AADACL4: variants seen among roughly 807,000 people sequenced by gnomAD.
The protein encoded by AADACL4 is arylacetamide deacetylase-like 4.
In AADACL4, 9 loss-of-function variants were observed where a neutral mutation model predicts 14.1. The observed-to-expected ratio is 0.64, with a 90% CI of 0.39 to 1.12. AADACL4 has a LOEUF of 1.12. Among genes scored for constraint, AADACL4 ranks in the 50% most tolerant of loss-of-function variants. The probability of loss-of-function intolerance (pLI) is 0.01; values close to 1 mark genes in which losing one functional copy is unlikely to be tolerated. For missense variants in AADACL4, 531 were observed against 516.1 expected, an observed-to-expected ratio of 1.03 and a Z score of -0.28; for synonymous variants, 188 against 201.6, an observed-to-expected ratio of 0.93 and a Z score of 0.57.
Position 12,666,298 on chromosome 1 carries a change from T to C in AADACL4, c.787T>C (p.Trp263Arg), listed in dbSNP as rs752059732. The C allele has an allele frequency of 6.2e-7, 1 of 1,614,106 alleles. No individual in the cohort carries two copies. Among genetic ancestry groups the C allele is most frequent in the Admixed American group, 1.7e-5 (1 of 60,010 alleles). ...TAACTATCTGGCCATTGACCTCTCC[T>C]GGCGTGACGCCATCTTGAACGGCAC... ...LCNYLAIDLS[W>R]RDAILNGTCV... Residue 263 changes from tryptophan to arginine, a missense_variant, in exon 4 of 4, where the codon TGG becomes CGG. Trp to Arg is a moderately radical substitution (Grantham distance 101). Transcript: ENST00000376221.
Position 12,644,411 on chromosome 1 carries a change from G to A in AADACL4, c.-136G>A. On this transcript the variant is annotated 5_prime_UTR_variant, in exon 1 of 4. Coordinates refer to ENST00000376221, the MANE Select transcript of AADACL4 (RefSeq NM_001013630.2). ...TGCTTACCCTGAGAAGCTGTGTCAG[G>A]CCACTGTGTCAGGTGTCAGGCTTAG... is the stretch of plus-strand genomic sequence containing the variant. 1.0e-6 allele frequency: 1 copy of A among 970,572 alleles called. No individual in the cohort carries two copies. The highest frequency in any genetic ancestry group is 1.5e-6 in the Non-Finnish European group (1 of 664,086). 60.1% of individuals were successfully genotyped at this position (970,572 alleles called of 1,614,324 possible). A position where few individuals can be genotyped will look rare whatever the true frequency, so the allele number is the denominator to read the frequency against.
chr1:12,649,876 T>C (rs1025140740), intron 1 of AADACL4, among the ~76,000 whole-genome samples: 2 of 152,230 alleles, frequency 1.3e-5, no homozygotes, highest in Non-Finnish European at 2.9e-5. Context: ...TAGGCTTGGC[T>C]CTGAAACCCA....
chr1:12,658,293 C>G (rs145455797), intron 2 of AADACL4, among the ~76,000 whole-genome samples: 27 of 151,054 alleles, frequency 1.8e-4, no homozygotes, highest in African/African-American at 6.6e-4. Flanking sequence ...GAGTCTTACT[C>G]TGTCACCCAG....
rs146043744 is a variant in AADACL4, at chr1:12,666,546, G to A, written c.1035G>A (p.Glu345=). 2.0e-5 allele frequency: 32 copies of A among 1,614,118 alleles called. No homozygotes were observed. In the African/African-American group the frequency reaches 4.0e-4, roughly 20 times the overall value. Reference sequence around the variant, plus strand: ...CTGAGGCCTTCCTGGTGAGCTGTGAGAATGACATACTCCGTGATGACAGCT... The same window carrying A: ...CTGAGGCCTTCCTGGTGAGCTGTGAAAATGACATACTCCGTGATGACAGCT... The part of the protein sequence containing the change: ...QLPEAFLVSC[E]NDILRDDSLL... The change falls in exon 4 of 4, where the codon GAG becomes GAA. Residue 345 remains glutamate, a synonymous_variant. Transcript: ENST00000376221.
intron 2 of AADACL4, among the ~76,000 whole-genome samples, chr1:12,658,105 T>C (rs1204049089): frequency 1.0e-5 from 1 of 97,410 alleles, no homozygotes; most frequent in Admixed American, 1.1e-4. Flanking sequence ...CTTTCTCTCT[T>C]TCTTTCCTTC....
In AADACL4 at chr1:12,651,231, C is replaced by A. The variant is rs764770045; in HGVS notation, c.277C>A (p.Arg93Ser). 1 of 1,614,204 alleles carries A rather than the reference C, an allele frequency of 6.2e-7. No homozygotes were observed. Reference sequence around the variant, plus strand: ...CCCTGAACTTGTGGTGACCGACCTGCGTTTTGGGACGATACCCGTGAGGCT... The same window carrying A: ...CCCTGAACTTGTGGTGACCGACCTGAGTTTTGGGACGATACCCGTGAGGCT... ...KDPELVVTDL[R>S]FGTIPVRLFQ... Residue 93 changes from arginine (R) to serine (S), a missense_variant, in exon 2 of 4, where the codon CGT (arginine) becomes AGT (serine). Coordinates refer to ENST00000376221, the MANE Select transcript of AADACL4 (RefSeq NM_001013630.2).
intron 2 of AADACL4, among the ~76,000 whole-genome samples, chr1:12,651,614 T>C (rs906335348): frequency 6.6e-6 from 1 of 152,066 alleles, no homozygotes; most frequent in African/African-American, 2.4e-5. Flanking sequence ...GGCTGTGGAC[T>C]CCTCTCTCCC....
chr1:12,665,867 T>TA (rs1647310887), intron 3 of AADACL4, 94 bp from the exon 4 acceptor site: 2 of 1,289,892 alleles, frequency 1.6e-6, no homozygotes, highest in Non-Finnish European at 2.2e-6. Flanking sequence ...TTTAATCAGA[T>TA]ATAGTCTTGT....
chr1:12,644,843 C>T (rs765486546), intron 1 of AADACL4, 129 bp downstream of exon 1: 1 of 1,052,542 alleles, frequency 9.5e-7, no homozygotes, highest in Non-Finnish European at 1.4e-6. Flanking sequence ...ATAGACTTGT[C>T]TCTTCTGTAT....
intron 2 of AADACL4, among the ~76,000 whole-genome samples, chr1:12,652,440 T>C (rs993752588): frequency 6.6e-6 from 1 of 152,234 alleles, no homozygotes; most frequent in Non-Finnish European, 1.5e-5. Context: ...GTTGTCTTGA[T>C]ACCGGTGGGC....
At chr1:12,651,453 G>T in intron 2 of AADACL4, 114 bp downstream of exon 2, 16 of 1,130,980 alleles carry the variant, frequency 1.4e-5, no homozygotes, top group Non-Finnish European at 1.9e-5. Flanking sequence ...AGTTGTTGGA[G>T]ATTTTTATAG....
chr1:12,659,948 A>T (rs1430981652), intron 2 of AADACL4, among the ~76,000 whole-genome samples: 1 of 152,144 alleles, frequency 6.6e-6, no homozygotes, highest in Non-Finnish European at 1.5e-5. Context: ...CCTCCTGAGT[A>T]GCTGGGACCA....
intron 2 of AADACL4, among the ~76,000 whole-genome samples, chr1:12,655,545 A>G (rs1182868574): frequency 1.3e-5 from 2 of 151,866 alleles, no homozygotes; most frequent in Non-Finnish European, 2.9e-5. Context: ...TCATTGCTCC[A>G]GTGTCCCAGC....
At chr1:12,658,061 C>T (rs1328006995) in intron 2 of AADACL4, among the ~76,000 whole-genome samples, 2 of 142,558 alleles carry the variant, frequency 1.4e-5, no homozygotes, top group Non-Finnish European at 3.0e-5. Context: ...TCCTTCCTTT[C>T]TTTTTCTCTT....
chr1:12,660,787 G>A (rs1210705346), intron 2 of AADACL4, among the ~76,000 whole-genome samples: 2 of 152,082 alleles, frequency 1.3e-5, no homozygotes, highest in Non-Finnish European at 2.9e-5. Flanking sequence ...GGGACTACAG[G>A]CATGTGCCAC....
chr1:12,657,140 C>CAAAAAAAAAAAAAAAAAAAAAAAA (rs59777423), intron 2 of AADACL4, among the ~76,000 whole-genome samples: 1 of 51,116 alleles, frequency 2.0e-5, no homozygotes, highest in African/African-American at 6.2e-5. Flanking sequence ...AAGACTGTCT[C>CAAAAAAAAAAAAAAAAAAAAAAAA]AAAAAAAAAA....
intron 3 of AADACL4, 59 bp from the exon 4 acceptor site, chr1:12,665,902 A>G: frequency 1.3e-6 from 2 of 1,510,718 alleles, no homozygotes; most frequent in East Asian, 4.5e-5. Flanking sequence ...TTCTGTTGAA[A>G]CAGCTCCCTA....
intron 1 of AADACL4, among the ~76,000 whole-genome samples, chr1:12,645,691 G>A (rs528075564): frequency 4.0e-5 from 6 of 151,888 alleles, no homozygotes; most frequent in South Asian, 2.1e-4. Context: ...CTACAGGTGC[G>A]CACCACCATG....
chr1:12,644,687 T>C lies in AADACL4; in HGVS notation c.141T>C (p.His47=), dbSNP rs1647098997. ...LQHPAKLRFL[H]CIFLYLVTLG... is the part of the protein sequence containing the mutation. ...ATCCTGCCAAGTTGAGATTCCTGCATTGCATATTCCTCTACCTGGTCACTT... is the reference window on the plus strand; with the variant it reads ...ATCCTGCCAAGTTGAGATTCCTGCACTGCATATTCCTCTACCTGGTCACTT... The change falls in exon 1 of 4, where the codon CAT becomes CAC. Residue 47 remains histidine, a synonymous_variant. Transcript: ENST00000376221. The C allele has an allele frequency of 6.2e-7, 1 of 1,614,120 alleles. No individual in the cohort carries two copies. The highest frequency in any genetic ancestry group is 1.3e-5 in the African/African-American group (1 of 75,042).
Sources: allele counts gnomAD v4.1 joint callset (sites outside exome capture counted in the v4.1 genomes callset), GRCh38; gene constraint gnomAD v4.1.1; transcripts MANE v1.5; gene names NCBI Gene and HGNC (gene_info 2026-07-23, HGNC 2026-07-21).